The following EYS variants were observed in gnomAD, a reference collection of about 807,000 sequenced individuals.
EYS encodes the protein EGF-like photoreceptor maintenance factor, also known as protein eyes shut homolog.
A neutral mutation model predicts 282.1 loss-of-function variants in EYS; 250 were observed. That is an observed-to-expected ratio of 0.89 (90% CI 0.80 to 0.98). EYS has a LOEUF of 0.98. Among genes scored for constraint, EYS ranks in the 50% least tolerant of loss-of-function variants. The probability of loss-of-function intolerance (pLI) is 0.00; values close to 1 mark genes in which losing one functional copy is unlikely to be tolerated. For missense variants in EYS, 4,016 were observed against 3,709.0 expected (o/e 1.08, Z -2.15); for synonymous variants, 1,355 against 1,282.9 (o/e 1.06, Z -1.20).
intron 29 of EYS, among the ~76,000 whole-genome samples, chr6:64,335,340 C>A (rs1339134818): frequency 6.7e-6 from 1 of 149,030 alleles, no homozygotes; most frequent in East Asian, 2.0e-4. Flanking sequence ...TACTCCCCAA[C>A]TCCACATTCC....
chr6:64,788,725 C>A (rs1774095282), intron 22 of EYS, among the ~76,000 whole-genome samples: 1 of 152,154 alleles, frequency 6.6e-6, no homozygotes, highest in South Asian at 2.1e-4. Flanking sequence ...TTCTTAATTT[C>A]TTTCCCTATT....
In EYS at chr6:64,143,715, A is replaced by G. The variant is rs532012534; in HGVS notation, c.6425-61713T>C. ...TATCAGCCAGATGTGTCAGCCACAG[A>G]CACATGAAGAAAAGTCAGGGACCAC... On this transcript the variant is annotated intron_variant, in intron 31 of 42. Transcript: ENST00000503581. 7.2e-5 allele frequency among the ~76,000 whole-genome samples: 11 copies of G among 152,226 alleles called. 1 individual carries two copies. Among genetic ancestry groups the G allele is most frequent in the Admixed American group, 6.5e-4 (10 of 15,280 alleles).
At chr6:63,879,567 A>G (rs922306590) in intron 35 of EYS, among the ~76,000 whole-genome samples, 2 of 152,216 alleles carry the variant, frequency 1.3e-5, no homozygotes, top group African/African-American at 4.8e-5. Flanking sequence ...ATGGTGTGGC[A>G]GAATCCTTTT....
chr6:63,984,181 G>T (rs1015617233), intron 35 of EYS, among the ~76,000 whole-genome samples: 59 of 151,832 alleles, frequency 3.9e-4, no homozygotes, highest in Non-Finnish European at 2.2e-4. Flanking sequence ...AGACTCTCTT[G>T]TCTCTTGAGC....
intron 19 of EYS, among the ~76,000 whole-genome samples, chr6:64,880,264 T>C (rs1339393248): frequency 6.6e-6 from 1 of 151,996 alleles, no homozygotes; most frequent in South Asian, 2.1e-4. Context: ...GACTGCTAAC[T>C]ATAGCTAAAA....
intron 41 of EYS, among the ~76,000 whole-genome samples, chr6:63,757,641 T>C (rs192472393): frequency 6.6e-4 from 101 of 152,242 alleles, no homozygotes; most frequent in African/African-American, 2.4e-3. Context: ...CAATATGTGA[T>C]GTCACCCCCA....
intron 22 of EYS, among the ~76,000 whole-genome samples, chr6:64,648,045 T>G (rs1367400334): frequency 2.0e-5 from 3 of 152,194 alleles, no homozygotes; most frequent in African/African-American, 7.2e-5. Flanking sequence ...CAGTTATGCT[T>G]AAATGGCTGA....
intron 12 of EYS, among the ~76,000 whole-genome samples, chr6:65,079,523 TAA>T (rs1207239242): frequency 5.9e-5 from 9 of 152,132 alleles, no homozygotes; most frequent in African/African-American, 2.2e-4. Flanking sequence ...TTTCAAAGAC[TAA>T]GTTAGAAAAA....
At chr6:65,562,297 T>C (rs980806179) in intron 2 of EYS, among the ~76,000 whole-genome samples, 1 of 151,972 alleles carries the variant, frequency 6.6e-6, no homozygotes, top group Non-Finnish European at 1.5e-5. Context: ...AGCTTAATAA[T>C]AAAACATATA....
rs146532628 is a variant in EYS at position 65,240,218 on chromosome 6, T to C, written c.2023+55645A>G. On this transcript the variant is annotated intron_variant, in intron 12 of 42. Transcript: ENST00000503581. ...CTCCTGACCTTGTGATCCACCCGTC[T>C]TGGCCTCCCAAAGTGCTGGGATTAC... Among the ~76,000 whole-genome samples the C allele has an allele frequency of 2.1e-4, 32 of 152,286 alleles. No individual in the cohort carries two copies. The East Asian group carries it at 5.2e-3, about 25-fold the overall frequency.
chr6:64,500,076 T>C (rs1222312755), intron 26 of EYS, among the ~76,000 whole-genome samples: 1 of 152,076 alleles, frequency 6.6e-6, no homozygotes, highest in East Asian at 1.9e-4. Context: ...TGAAAATACA[T>C]TGAATAAAAT....
At chr6:64,659,326 C>G (rs1293161503) in intron 22 of EYS, among the ~76,000 whole-genome samples, 3 of 151,612 alleles carry the variant, frequency 2.0e-5, no homozygotes, top group Non-Finnish European at 2.9e-5. Context: ...ATTAAAAGAA[C>G]TAGATAAGAA....
chr6:64,731,500 G>C (rs1771964160), intron 22 of EYS, among the ~76,000 whole-genome samples: 1 of 152,160 alleles, frequency 6.6e-6, no homozygotes, highest in South Asian at 2.1e-4. Context: ...AGTGGGCGAA[G>C]GACAGGAACA....
At chr6:64,672,276 T>C (rs1186851478) in intron 22 of EYS, among the ~76,000 whole-genome samples, 1 of 152,206 alleles carries the variant, frequency 6.6e-6, no homozygotes, top group African/African-American at 2.4e-5. Context: ...AACAGCAGTG[T>C]TGCAAGACTC....
At chr6:65,613,040 G>A (rs1159756019) in intron 2 of EYS, among the ~76,000 whole-genome samples, 1 of 151,672 alleles carries the variant, frequency 6.6e-6, no homozygotes, top group African/African-American at 2.4e-5. Context: ...AACCACCCCA[G>A]AAGTCTCTGT....
At chr6:65,045,763 T>G (rs1441352685) in intron 13 of EYS, among the ~76,000 whole-genome samples, 1 of 151,860 alleles carries the variant, frequency 6.6e-6, no homozygotes, top group East Asian at 1.9e-4. Flanking sequence ...GCTAAGAGGT[T>G]TAATTGTCCT....
At chr6:65,502,045 T>A (rs958076496) in intron 2 of EYS, among the ~76,000 whole-genome samples, 2 of 151,764 alleles carry the variant, frequency 1.3e-5, no homozygotes, top group African/African-American at 4.8e-5. Context: ...TAAGTATAAC[T>A]TATTTTCCAT....
intron 12 of EYS, among the ~76,000 whole-genome samples, chr6:65,126,194 T>A (rs765707642): frequency 4.5e-4 from 69 of 152,148 alleles, no homozygotes; most frequent in South Asian, 1.0e-3. Context: ...CTCTTTCATT[T>A]AAAGTCTTGC....
chr6:65,249,730 C>T (rs1767271166), intron 12 of EYS, among the ~76,000 whole-genome samples: 1 of 151,998 alleles, frequency 6.6e-6, no homozygotes, highest in Non-Finnish European at 1.5e-5. Flanking sequence ...AGTACATATG[C>T]TGCTTCTGTC....
Sources: allele counts gnomAD v4.1 joint callset (sites outside exome capture counted in the v4.1 genomes callset), GRCh38; gene constraint gnomAD v4.1.1; transcripts MANE v1.5; gene names NCBI Gene and HGNC (gene_info 2026-07-23, HGNC 2026-07-21).